Variants in PCDHA9 observed in about 807,000 individuals in gnomAD.
The protein encoded by PCDHA9 is protocadherin alpha 9, also known as protocadherin alpha-9.
In PCDHA9, 62 loss-of-function variants were observed where a neutral mutation model predicts 62.0. The observed-to-expected ratio is 1.00, with a 90% CI of 0.81 to 1.23. PCDHA9 has a LOEUF of 1.23. Ranked by LOEUF, PCDHA9 falls within the 50% of genes most tolerant of loss-of-function variation. The probability of loss-of-function intolerance (pLI) is 0.00; values close to 1 mark genes in which losing one functional copy is unlikely to be tolerated. For synonymous variants in PCDHA9, 557 were observed against 567.6 expected, an observed-to-expected ratio of 0.98 and a Z score of 0.27; for missense variants, 1,205 against 1,249.8, an observed-to-expected ratio of 0.96 and a Z score of 0.54.
chr5:140,967,665 C>G (rs782126222), intron 1 of PCDHA9: 1 of 1,614,154 alleles, frequency 6.2e-7, no homozygotes. Context: ...AGCAGCTACA[C>G]GTCGGACCGG....
intron 1 of PCDHA9, among the ~76,000 whole-genome samples, chr5:140,941,595 A>G (rs1273931279): frequency 6.6e-6 from 1 of 152,016 alleles, no homozygotes; most frequent in Non-Finnish European, 1.5e-5. Context: ...GATTACAGCC[A>G]TGAGCCATGG....
At chr5:140,883,239 A>ACAAAGGAAATATTC in intron 1 of PCDHA9, 1 of 1,614,096 alleles carries the variant, frequency 6.2e-7, no homozygotes, top group Non-Finnish European at 8.5e-7. Context: ...GAGGCAGTTG[A>ACAAAGGAAATATTC]CAAAGGAAAT....
intron 1 of PCDHA9, chr5:140,883,651 G>A (rs782597421): frequency 1.9e-6 from 3 of 1,613,652 alleles, no homozygotes; most frequent in Middle Eastern, 1.7e-4. Flanking sequence ...CCGAGTACAC[G>A]GTGTTCGTGA....
intron 1 of PCDHA9, chr5:140,853,539 T>A: frequency 1.0e-6 from 1 of 979,080 alleles, no homozygotes; most frequent in South Asian, 4.8e-5. Context: ...TCTTTTCAAG[T>A]TGTAATTACT....
Position 140,849,583 on chromosome 5 carries a change from C to T in PCDHA9, c.1088C>T (p.Ala363Val), listed in dbSNP as rs2040974619. 2.5e-6 allele frequency: 4 copies of T among 1,598,684 alleles called. No homozygotes were observed. Among genetic ancestry groups the T allele is most frequent in the Non-Finnish European group, 3.4e-6 (4 of 1,167,956 alleles). The change falls in exon 1 of 4, where the codon GCA becomes GTA. Residue 363 changes from alanine to valine, a missense_variant. Coordinates refer to ENST00000532602, the MANE Select transcript of PCDHA9 (RefSeq NM_031857.2). The part of the protein sequence containing the change: ...KTLSVPVKED[A>V]QLGTVIALIS... Reference sequence around the variant, plus strand: ...CTCTCGGTTCCTGTAAAAGAGGACGCACAACTGGGGACAGTTATTGCCCTG... The same window carrying T: ...CTCTCGGTTCCTGTAAAAGAGGACGTACAACTGGGGACAGTTATTGCCCTG...
chr5:140,952,418 A>G (rs1563257684), intron 1 of PCDHA9, among the ~76,000 whole-genome samples: 1 of 152,090 alleles, frequency 6.6e-6, no homozygotes, highest in South Asian at 2.1e-4. Context: ...AATGTTCCGC[A>G]GATTCCTACA....
intron 1 of PCDHA9, among the ~76,000 whole-genome samples, chr5:140,963,173 G>C (rs2095742129): frequency 6.6e-6 from 1 of 151,942 alleles, no homozygotes; most frequent in Non-Finnish European, 1.5e-5. Flanking sequence ...CCATCTTACA[G>C]ATATGCTGTA....
intron 1 of PCDHA9, chr5:140,929,119 G>T (rs2085835460): frequency 1.2e-6 from 2 of 1,614,192 alleles, no homozygotes; most frequent in Non-Finnish European, 1.7e-6. Context: ...AGCCACCATA[G>T]ATGTCACTAC....
rs781788388 is a variant in PCDHA9, at chr5:140,850,309, C to G, written c.1814C>G (p.Ala605Gly). Reference protein sequence around the residue: ...RAVDADSGYNAWLSYELQPET... With the variant: ...RAVDADSGYNGWLSYELQPET... Reference sequence around the variant, plus strand: ...GTGGACGCCGACTCGGGCTACAACGCGTGGCTTTCATACGAGCTGCAGCCA... The same window carrying G: ...GTGGACGCCGACTCGGGCTACAACGGGTGGCTTTCATACGAGCTGCAGCCA... Residue 605 changes from alanine (A) to glycine (G), a missense_variant, in exon 1 of 4, where the codon GCG becomes GGG. Around this residue, in one of 3 missense-constraint regions of PCDHA9, gnomAD observed 887 missense variants for 809.5 expected, o/e 1.10. Transcript: ENST00000532602. 6.3e-7 allele frequency: 1 copy of G among 1,596,972 alleles called. No homozygotes were observed. The highest frequency in any genetic ancestry group is 2.2e-5 in the East Asian group (1 of 44,832).
intron 1 of PCDHA9, 28 bp downstream of exon 1, chr5:140,850,917 T>G: frequency 6.5e-7 from 1 of 1,530,140 alleles, no homozygotes; most frequent in Non-Finnish European, 8.8e-7. Context: ...TTTATTTATT[T>G]ATATAATTTT....
intron 1 of PCDHA9, chr5:140,877,444 G>A (rs782552942): frequency 6.2e-7 from 1 of 1,613,864 alleles, no homozygotes; most frequent in South Asian, 1.1e-5. Context: ...CGGTGAGCCC[G>A]CGCTGACGTC....
At chr5:140,975,896 T>C (rs1267301126) in intron 1 of PCDHA9, among the ~76,000 whole-genome samples, 1 of 152,202 alleles carries the variant, frequency 6.6e-6, no homozygotes, top group Non-Finnish European at 1.5e-5. Context: ...CATATGGAGT[T>C]TTGTGACCAT....
chr5:140,903,540 A>G (rs531687543), intron 1 of PCDHA9, among the ~76,000 whole-genome samples: 46 of 152,352 alleles, frequency 3.0e-4, no homozygotes, highest in African/African-American at 9.9e-4. Flanking sequence ...AACTAGAGCA[A>G]GAAACTTTTC....
chr5:140,927,203 C>G (rs782141467), intron 1 of PCDHA9: 1 of 1,614,104 alleles, frequency 6.2e-7, no homozygotes, highest in Admixed American at 1.7e-5. Context: ...CTCGAGGACC[C>G]GCTGGAGCTG....
At chr5:140,987,952 C>T (rs1176597775) in intron 3 of PCDHA9, among the ~76,000 whole-genome samples, 1 of 152,128 alleles carries the variant, frequency 6.6e-6, no homozygotes, top group African/African-American at 2.4e-5. Flanking sequence ...TCTGACAAAA[C>T]CAACTCCCCA....
chr5:141,002,612 CA>C, intron 3 of PCDHA9, among the ~76,000 whole-genome samples: 1 of 152,178 alleles, frequency 6.6e-6, no homozygotes, highest in Non-Finnish European at 1.5e-5. Flanking sequence ...AAAACAGACA[CA>C]TAACACAGAC....
chr5:140,957,513 T>C (rs76093065), intron 1 of PCDHA9, among the ~76,000 whole-genome samples: 3,563 of 152,232 alleles, frequency 0.023, 49 homozygotes, highest in Middle Eastern at 0.034. Flanking sequence ...TTATCCTTGG[T>C]TTCAGACATT....
At chr5:140,966,097 C>T (rs1215509140) in intron 1 of PCDHA9, 2 of 154,754 alleles carry the variant, frequency 1.3e-5, no homozygotes, top group Non-Finnish European at 2.9e-5. Flanking sequence ...GTTAGATCCG[C>T]CGCCTGGGTG....
At position 140,850,367 on chromosome 5, in the gene PCDHA9, G is replaced by T; in HGVS notation, c.1872G>T (p.Val624=). 3 of 1,597,916 alleles carry T rather than the reference G, an allele frequency of 1.9e-6. No homozygotes were observed. The highest frequency in any genetic ancestry group is 8.6e-7 in the Non-Finnish European group (1 of 1,167,656). Residue 624 remains valine, a synonymous_variant, in exon 1 of 4, where the codon GTG becomes GTT. Coordinates refer to ENST00000532602, the MANE Select transcript of PCDHA9 (RefSeq NM_031857.2). ...ETASASIPFR[V]GLYTGEISTT... The stretch of plus-strand genomic sequence containing the variant: ...CCAGCGCGAGCATCCCGTTCCGCGT[G>T]GGGCTGTACACGGGCGAGATCAGCA...
Sources: gnomAD v4.1 joint callset for allele counts (sites outside exome capture counted in the v4.1 genomes callset) on GRCh38, gnomAD v4.1.1 for gene constraint, gnomAD v4.1.1 regional missense constraint, MANE v1.5 for transcripts, NCBI Gene and HGNC (gene_info 2026-07-23, HGNC 2026-07-21) for gene names.